The following ADAM22 variants were observed in gnomAD, a reference collection of about 807,000 sequenced individuals.
The protein encoded by ADAM22 is disintegrin and metalloproteinase domain-containing protein 22.
Under a neutral mutation model 144.6 loss-of-function variants are expected in ADAM22, and 65 were observed. The ratio of observed to expected loss-of-function variants is 0.45; its 90% CI spans 0.37 to 0.55. The LOEUF is 0.55. Ranked by LOEUF, ADAM22 falls within the 20% of genes least tolerant of loss-of-function variation. ADAM22 has a pLI of 0.00. For synonymous variants in ADAM22, 391 were observed against 412.6 expected, an observed-to-expected ratio of 0.95 and a Z score of 0.63; for missense variants, 974 against 1,184.9, an observed-to-expected ratio of 0.82 and a Z score of 2.61.
At chr7:88,136,059 C>G in intron 14 of ADAM22, 28 bp downstream of exon 14, 1 of 1,603,656 alleles carries the variant, frequency 6.2e-7, no homozygotes, top group South Asian at 1.1e-5. Flanking sequence ...GAAAATAACT[C>G]AGTCTTACAT....
chr7:87,934,616 C>G, intron 1 of ADAM22, 66 bp downstream of exon 1: 1 of 1,430,652 alleles, frequency 7.0e-7, no homozygotes. Flanking sequence ...AGCCCTCAGG[C>G]GTATTGAAAA....
intron 3 of ADAM22, among the ~76,000 whole-genome samples, chr7:88,022,677 C>T (rs1448709382): frequency 6.6e-6 from 1 of 152,106 alleles, no homozygotes; most frequent in East Asian, 1.9e-4. Context: ...AACTACTACA[C>T]TCATATTTAA....
chr7:87,980,287 C>CTTT (rs71120015), intron 3 of ADAM22, among the ~76,000 whole-genome samples: 6 of 118,400 alleles, frequency 5.1e-5, no homozygotes, highest in Non-Finnish European at 9.8e-5. Flanking sequence ...GCACTGTGCT[C>CTTT]TTTTTTTTTT....
At chr7:88,002,408 C>A (rs993467208) in intron 3 of ADAM22, among the ~76,000 whole-genome samples, 4 of 152,118 alleles carry the variant, frequency 2.6e-5, no homozygotes, top group Admixed American at 2.0e-4. Flanking sequence ...TGCACGCACA[C>A]TGGGAGCTGG....
Position 88,179,074 on chromosome 7 carries a change from A to T in ADAM22, c.2440A>T (p.Thr814Ser). The T allele has an allele frequency of 6.5e-7, 1 of 1,535,828 alleles. No individual in the cohort carries two copies. Among genetic ancestry groups the T allele is most frequent in the Non-Finnish European group, 9.0e-7 (1 of 1,109,206 alleles). The change falls in exon 27 of 32, where the codon ACC becomes TCC. Residue 814 changes from threonine to serine, a missense_variant. Transcript: ENST00000413139. ...SAFLSHFQIS[T>S]CSITHYSISQ... ...TTTTCTGTCGCATTTTCAGATTTCT[A>T]CCTGTTCCATCACACATTATTCCAT... is the stretch of plus-strand genomic sequence containing the variant.
chr7:87,935,510 A>G (rs1841036247), intron 2 of ADAM22, among the ~76,000 whole-genome samples: 1 of 152,194 alleles, frequency 6.6e-6, no homozygotes, highest in South Asian at 2.1e-4. Context: ...GAAGGGAGGT[A>G]GTATTTGGGC....
chr7:87,967,083 T>C (rs371933651), intron 2 of ADAM22, among the ~76,000 whole-genome samples: 1 of 152,106 alleles, frequency 6.6e-6, no homozygotes, highest in African/African-American at 2.4e-5. Flanking sequence ...GCTGCTGGCA[T>C]GTGAAGAAGG....
chr7:88,145,345 G>A lies in ADAM22; in HGVS notation c.1393-70G>A. On this transcript the variant is annotated intron_variant, in intron 16 of 31. Coordinates refer to ENST00000413139, the MANE Select transcript of ADAM22 (RefSeq NM_001324418.2). ...ATTGTGAGTTTGTACATTTATTTTA[G>A]AAAATATCCTGTTACTTTCAGGAAA... is the stretch of plus-strand genomic sequence containing the variant. 3 of 1,504,254 alleles carry A rather than the reference G, an allele frequency of 2.0e-6. No individual in the cohort carries two copies. In the Admixed American group the frequency reaches 5.6e-5, roughly 28 times the overall value. 93.2% of individuals were successfully genotyped at this position (1,504,254 alleles called of 1,614,324 possible). A position where few individuals can be genotyped will look rare whatever the true frequency, so the allele number is the denominator to read the frequency against.
intron 4 of ADAM22, among the ~76,000 whole-genome samples, chr7:88,094,966 C>T (rs1221649447): frequency 2.0e-5 from 3 of 152,188 alleles, no homozygotes; most frequent in Non-Finnish European, 4.4e-5. Context: ...AGACAATTTA[C>T]TTATGCCTCC....
intron 14 of ADAM22, among the ~76,000 whole-genome samples, chr7:88,139,249 C>T (rs543568078): frequency 1.3e-5 from 2 of 152,034 alleles, no homozygotes; most frequent in Non-Finnish European, 2.9e-5. Flanking sequence ...GAAACCCCGT[C>T]TCTACTAAAA....
chr7:88,031,133 CAAA>C (rs1443265331), intron 3 of ADAM22, among the ~76,000 whole-genome samples: 1 of 151,998 alleles, frequency 6.6e-6, no homozygotes, highest in African/African-American at 2.4e-5. Flanking sequence ...AACAAACAAA[CAAA>C]CAAAAAACCA....
At chr7:88,045,976 C>G (rs1244146811) in intron 3 of ADAM22, among the ~76,000 whole-genome samples, 1 of 145,740 alleles carries the variant, frequency 6.9e-6, no homozygotes, top group Admixed American at 7.0e-5. Flanking sequence ...TCCATAGATA[C>G]TTAGTTTGAC....
Position 88,196,611 on chromosome 7 carries a change from T to G in ADAM22, c.*120T>G. ...CAGACAATACGAAGACCCTCTGAGATGCTACAGAGGAGAGGAAGCGGAGTT... is the reference window on the plus strand; with the variant it reads ...CAGACAATACGAAGACCCTCTGAGAGGCTACAGAGGAGAGGAAGCGGAGTT... On this transcript the variant is annotated 3_prime_UTR_variant, in exon 32 of 32. Transcript: ENST00000413139. 2.7e-6 allele frequency: 3 copies of G among 1,120,904 alleles called. No homozygotes were observed. The highest frequency in any genetic ancestry group is 4.0e-6 in the Non-Finnish European group (3 of 744,138). 69.4% of individuals were successfully genotyped at this position (1,120,904 alleles called of 1,614,324 possible). A position where few individuals can be genotyped will look rare whatever the true frequency, so the allele number is the denominator to read the frequency against.
intron 7 of ADAM22, among the ~76,000 whole-genome samples, chr7:88,123,075 G>T (rs1341130818): frequency 6.6e-6 from 1 of 152,094 alleles, no homozygotes; most frequent in African/African-American, 2.4e-5. Context: ...TGTATAAATT[G>T]ATGTTTTGAA....
chr7:87,943,726 A>C (rs891954172), intron 2 of ADAM22, among the ~76,000 whole-genome samples: 28 of 152,212 alleles, frequency 1.8e-4, no homozygotes, highest in Admixed American at 6.5e-5. Context: ...CAGCGGTTCT[A>C]ACTGGAAAGA....
chr7:88,128,486 T>C, intron 8 of ADAM22, 116 bp from the exon 9 acceptor site: 1 of 783,660 alleles, frequency 1.3e-6, no homozygotes, highest in Admixed American at 2.3e-5. Flanking sequence ...ATTTTTTAAA[T>C]GCTGAAGGAA....
intron 3 of ADAM22, among the ~76,000 whole-genome samples, chr7:88,072,515 A>G (rs1271855824): frequency 6.6e-6 from 1 of 152,144 alleles, no homozygotes; most frequent in Non-Finnish European, 1.5e-5. Context: ...CTCATGTGAC[A>G]GTGAGAGAGC....
chr7:88,181,693 A>T, intron 28 of ADAM22, 88 bp downstream of exon 28: 1 of 1,175,128 alleles, frequency 8.5e-7, no homozygotes, highest in Non-Finnish European at 1.2e-6. Context: ...TATTTCTTTG[A>T]AGCTCTTTAG....
intron 3 of ADAM22, among the ~76,000 whole-genome samples, chr7:88,035,658 C>T (rs181093779): frequency 9.3e-4 from 142 of 152,280 alleles, no homozygotes; most frequent in African/African-American, 3.1e-3. Flanking sequence ...CAACAATTTA[C>T]GTAGCATTCA....
Sources: allele counts gnomAD v4.1 joint callset (sites outside exome capture counted in the v4.1 genomes callset), GRCh38; gene constraint gnomAD v4.1.1; transcripts MANE v1.5; gene names NCBI Gene and HGNC (gene_info 2026-07-23, HGNC 2026-07-21).